SORBS3: variants seen among roughly 807,000 people sequenced by gnomAD.
The protein encoded by SORBS3 is sorbin and SH3 domain containing 3.
Under a neutral mutation model 98.0 loss-of-function variants are expected in SORBS3, and 69 were observed. The observed-to-expected ratio is 0.70, with a 90% confidence interval of 0.58 to 0.86. The LOEUF (loss-of-function observed/expected upper bound fraction) is 0.86, where lower values mean the gene tolerates loss of function less well. Among genes scored for constraint, SORBS3 ranks in the 40% least tolerant of loss-of-function variants. The pLI, the probability that SORBS3 is intolerant of heterozygous loss-of-function variation, is 0.00. For missense variants in SORBS3, 954 were observed against 908.5 expected (o/e 1.05, Z -0.64); for synonymous variants, 394 against 355.4 (o/e 1.11, Z -1.22).
chr8:22,565,743 C>T (rs1586900382), intron 11 of SORBS3, 83 bp from the exon 12 acceptor site: 6 of 1,276,008 alleles, frequency 4.7e-6, no homozygotes, highest in Non-Finnish European at 5.9e-6. Flanking sequence ...CCTCCCGAGC[C>T]GCGAACTTTT....
At chr8:22,573,625 T>C (rs1840646748) in intron 20 of SORBS3, among the ~76,000 whole-genome samples, 1 of 150,124 alleles carries the variant, frequency 6.7e-6, no homozygotes, top group Non-Finnish European at 1.5e-5. Flanking sequence ...AGGGGAAGGA[T>C]TTGGGGAGGC....
intron 5 of SORBS3, 105 bp from the exon 6 acceptor site, chr8:22,561,230 A>C: frequency 9.1e-7 from 1 of 1,101,226 alleles, no homozygotes; most frequent in Non-Finnish European, 1.3e-6. Context: ...CTCAGCCCTC[A>C]GCCCCCTACT....
In SORBS3 at chr8:22,571,112, C is replaced by T. The variant is rs1256639150; in HGVS notation, c.1634C>T (p.Ser545Phe). 2 of 1,608,490 alleles carry T rather than the reference C, an allele frequency of 1.2e-6. No individual in the cohort carries two copies. The highest frequency in any genetic ancestry group is 1.3e-5 in the African/African-American group (1 of 74,824). Residue 545 changes from serine to phenylalanine, a missense_variant, in exon 18 of 21, where the codon TCC becomes TTC. Ser to Phe is a radical substitution (Grantham distance 155). Transcript: ENST00000240123. Reference protein sequence around the residue: ...AAARSARHPSSPSALRSPADP... With the variant: ...AAARSARHPSFPSALRSPADP... Reference sequence around the variant, plus strand: ...GCCCGCTCAGCCCGTCACCCCAGCTCCCCCTCAGCCCTGCGCAGCCCAGCT... The same window carrying T: ...GCCCGCTCAGCCCGTCACCCCAGCTTCCCCTCAGCCCTGCGCAGCCCAGCT...
At chr8:22,559,815 G>C (rs995724533) in intron 5 of SORBS3, among the ~76,000 whole-genome samples, 2 of 152,130 alleles carry the variant, frequency 1.3e-5, no homozygotes, top group African/African-American at 4.8e-5. Context: ...CACGGGACAA[G>C]GTCTAAAACT....
chr8:22,571,178 C>G lies in SORBS3; in HGVS notation c.1700C>G (p.Thr567Ser). The G allele has an allele frequency of 6.3e-7, 1 of 1,575,450 alleles. No individual in the cohort carries two copies. The highest frequency in any genetic ancestry group is 8.6e-7 in the Non-Finnish European group (1 of 1,162,270). ...GGGGGACAGACCTCCCCCCGTCGCA[C>G]TGGCTTCTCCTTCCCCACCCAGGAG... ...DLGGQTSPRRTGFSFPTQEPR... is the reference protein window; with the variant it reads ...DLGGQTSPRRSGFSFPTQEPR... The change falls in exon 18 of 21, where the codon ACT becomes AGT. Residue 567 changes from threonine (T) to serine (S), a missense_variant. Transcript: ENST00000240123.
chr8:22,551,661 C>G, upstream of SORBS3: 7 of 909,226 alleles, frequency 7.7e-6, no homozygotes, highest in Non-Finnish European at 9.2e-6. This position sits in a 1 kb window ranked among gnomAD's most constrained non-coding sequence, Gnocchi z 5.8. Flanking sequence ...TCCCCGCCGG[C>G]CAGGCCTCCT....
At chr8:22,551,588 A>C, upstream of SORBS3, 2 of 269,148 alleles carry the variant, frequency 7.4e-6, no homozygotes, top group Non-Finnish European at 5.7e-6. The surrounding 1 kb of genome is among the most constrained non-coding windows in gnomAD (Gnocchi z 5.8). Flanking sequence ...AGGGGCCGGG[A>C]TGGCAGCTGG....
chr8:22,567,003 AG>A (rs763430960), intron 15 of SORBS3, 57 bp from the exon 16 acceptor site: 1 of 1,562,498 alleles, frequency 6.4e-7, no homozygotes, highest in Admixed American at 1.7e-5. Flanking sequence ...CAGGGTCTGA[AG>A]GGAAGGAGGC....
chr8:22,564,875 T>A (rs1028885520), intron 10 of SORBS3: 1 of 820,728 alleles, frequency 1.2e-6, no homozygotes, highest in Non-Finnish European at 1.5e-6. Context: ...AGCGTGGGGG[T>A]GGGGGCTCCG....
At chr8:22,564,799 C>G in intron 10 of SORBS3, 2 of 1,323,804 alleles carry the variant, frequency 1.5e-6, no homozygotes, top group Non-Finnish European at 1.9e-6. Context: ...GGAGGTGGAG[C>G]TGGACCCTTG....
Position 22,554,849 on chromosome 8 carries a change from G to T in SORBS3, c.103-14G>T. 2 of 1,609,082 alleles carry T rather than the reference G, an allele frequency of 1.2e-6. No homozygotes were observed. On this transcript the variant is annotated splice_polypyrimidine_tract_variant and intron_variant, in intron 2 of 20. Coordinates refer to ENST00000240123, the MANE Select transcript of SORBS3 (RefSeq NM_005775.5). This position sits in a 1 kb window ranked among gnomAD's most constrained non-coding sequence, Gnocchi z 6.5. ...GCTGGGCCCTGAGCTGCCGCTCCTG[G>T]CCCCTCCCCGCAGGTGCCCGTGATC...
chr8:22,557,183 G>A (rs1016364689), intron 4 of SORBS3, among the ~76,000 whole-genome samples: 1 of 151,880 alleles, frequency 6.6e-6, no homozygotes, highest in Non-Finnish European at 1.5e-5. Flanking sequence ...TGTAAGGCCT[G>A]AGGCTGCAGG....
chr8:22,557,043 G>A (rs987814496), intron 4 of SORBS3, 135 bp downstream of exon 4: 31 of 997,048 alleles, frequency 3.1e-5, no homozygotes, highest in Non-Finnish European at 4.3e-5. Context: ...GGGTTCAACC[G>A]TGGTGGGGTT....
intron 6 of SORBS3, 75 bp downstream of exon 6, chr8:22,561,448 A>G (rs1325121314): frequency 6.4e-7 from 1 of 1,555,918 alleles, no homozygotes; most frequent in Admixed American, 1.7e-5. Flanking sequence ...TGGGACTCGC[A>G]GCCCCGCCTG....
chr8:22,551,409 A>G (rs1303240975), upstream of SORBS3, among the ~76,000 whole-genome samples: 1 of 151,758 alleles, frequency 6.6e-6, no homozygotes, highest in Non-Finnish European at 1.5e-5. This position sits in a 1 kb window ranked among gnomAD's most constrained non-coding sequence, Gnocchi z 5.8. Flanking sequence ...CGGCTTGCCC[A>G]GTTCACCACT....
intron 1 of SORBS3, among the ~76,000 whole-genome samples, chr8:22,546,300 TG>T: frequency 6.6e-6 from 1 of 152,360 alleles, no homozygotes; most frequent in South Asian, 2.1e-4. Flanking sequence ...TATTTCCTGG[TG>T]GAGGTACTTA....
chr8:22,565,058 G>C (rs1013240334), intron 10 of SORBS3: 56 of 1,419,092 alleles, frequency 3.9e-5, no homozygotes, highest in Non-Finnish European at 4.7e-5. Flanking sequence ...AGGCACTCCC[G>C]GGGCGTGCTG....
At chr8:22,571,636 C>G in intron 18 of SORBS3, 82 bp from the exon 19 acceptor site, 1 of 1,050,778 alleles carries the variant, frequency 9.5e-7, no homozygotes, top group Non-Finnish European at 1.5e-6. Flanking sequence ...TGGGAACGCC[C>G]ATTTTGGGCC....
chr8:22,562,293 G>C (rs980706714), intron 7 of SORBS3, among the ~76,000 whole-genome samples: 1 of 152,250 alleles, frequency 6.6e-6, no homozygotes, highest in African/African-American at 2.4e-5. Context: ...GAACTGTTGA[G>C]GGGAACTTGG....
Sources: gnomAD v4.1 joint callset for allele counts (sites outside exome capture counted in the v4.1 genomes callset) on GRCh38, gnomAD v4.1.1 for gene constraint, Gnocchi (gnomAD v3.1) non-coding constraint, MANE v1.5 for transcripts, NCBI Gene and HGNC (gene_info 2026-07-23, HGNC 2026-07-21) for gene names.